ADCY8: variants seen among roughly 807,000 people sequenced by gnomAD.
ADCY8 encodes the protein adenylate cyclase type 8.
ADCY8 carries 51 observed loss-of-function variants against 119.7 expected under a neutral mutation model. That is an observed-to-expected ratio of 0.43 (90% CI 0.34 to 0.54). The LOEUF (loss-of-function observed/expected upper bound fraction) is 0.54, where lower values mean the gene tolerates loss of function less well. ADCY8 is among the 20% of genes least tolerant of loss of function. The pLI, the probability that ADCY8 is intolerant of heterozygous loss-of-function variation, is 0.03. For missense variants in ADCY8, 1,383 were observed against 1,598.8 expected, an observed-to-expected ratio of 0.87 and a Z score of 2.30; for synonymous variants, 665 against 651.0, an observed-to-expected ratio of 1.02 and a Z score of -0.33.
intron 1 of ADCY8, among the ~76,000 whole-genome samples, chr8:131,037,745 G>A (rs1401111416): frequency 2.0e-5 from 3 of 152,118 alleles, no homozygotes; most frequent in Admixed American, 1.3e-4. Context: ...AAGAGAATGA[G>A]AGAGCTTGGA....
At chr8:131,018,741 G>A (rs1341785667) in intron 1 of ADCY8, among the ~76,000 whole-genome samples, 1 of 152,214 alleles carries the variant, frequency 6.6e-6, no homozygotes, top group East Asian at 1.9e-4. Context: ...AGGTCATACA[G>A]CTAATGAGTG....
At chr8:130,843,059 C>T (rs770465213) in intron 11 of ADCY8, among the ~76,000 whole-genome samples, 1 of 151,932 alleles carries the variant, frequency 6.6e-6, no homozygotes, top group African/African-American at 2.4e-5. Context: ...TATTCCTATA[C>T]ATATTCTTGA....
chr8:130,793,267 T>C (rs1351184377), intron 15 of ADCY8, among the ~76,000 whole-genome samples: 1 of 152,136 alleles, frequency 6.6e-6, no homozygotes, highest in African/African-American at 2.4e-5. Flanking sequence ...GAACCCTCTC[T>C]GAAATTGCAC....
chr8:130,795,258 C>T (rs1030926279), intron 15 of ADCY8, among the ~76,000 whole-genome samples: 15 of 152,126 alleles, frequency 9.9e-5, no homozygotes, highest in African/African-American at 3.1e-4. Flanking sequence ...AGCCTCCATG[C>T]GGTAAAATAA....
At chr8:130,994,166 G>A (rs12680568) in intron 1 of ADCY8, among the ~76,000 whole-genome samples, 20,405 of 152,234 alleles carry the variant, frequency 0.13, 2,998 homozygotes, top group African/African-American at 0.37. Context: ...TGTTTCTGCC[G>A]TTAATAGTTG....
rs749902638 is a variant in ADCY8, at chr8:131,003,205, A to ATC, written c.961-12665_961-12664dup. Among the ~76,000 whole-genome samples the ATC allele has an allele frequency of 2.9e-3, 408 of 142,000 alleles. 2 individuals are homozygous for ATC. Among genetic ancestry groups the ATC allele is most frequent in the African/African-American group, 9.5e-3 (351 of 36,966 alleles). The allele number at this position is 142,000 out of a possible 152,430, so 93.2% of individuals were successfully genotyped here. On this transcript the variant is annotated intron_variant, in intron 1 of 17. Transcript: ENST00000286355. ...GCCTGGGCAACAAGAGTGAAACACCATCACACACACACACACACACACACA... is the reference window on the plus strand; with the variant it reads ...GCCTGGGCAACAAGAGTGAAACACCATCTCACACACACACACACACACACACA...
intron 5 of ADCY8, among the ~76,000 whole-genome samples, chr8:130,915,902 T>G (rs1241423892): frequency 1.3e-5 from 2 of 152,152 alleles, no homozygotes; most frequent in African/African-American, 2.4e-5. Context: ...TAGGCAGAAT[T>G]GATTGGGCCC....
At chr8:130,977,592 C>T (rs1202836988) in intron 2 of ADCY8, among the ~76,000 whole-genome samples, 1 of 152,168 alleles carries the variant, frequency 6.6e-6, no homozygotes, top group Admixed American at 6.5e-5. Context: ...TACACCACTG[C>T]CAGTGAGAGC....
intron 2 of ADCY8, among the ~76,000 whole-genome samples, chr8:130,979,438 G>A (rs1822172366): frequency 6.6e-6 from 1 of 152,194 alleles, no homozygotes; most frequent in Admixed American, 6.5e-5. Flanking sequence ...GTAACATGAG[G>A]CAATATGTTC....
intron 2 of ADCY8, among the ~76,000 whole-genome samples, chr8:130,963,869 G>A (rs995472443): frequency 6.6e-6 from 1 of 152,172 alleles, no homozygotes; most frequent in Non-Finnish European, 1.5e-5. Flanking sequence ...GAGACCAAGT[G>A]TCAGAAAGAT....
At chr8:130,928,839 A>G (rs943867517) in intron 5 of ADCY8, among the ~76,000 whole-genome samples, 4 of 152,076 alleles carry the variant, frequency 2.6e-5, no homozygotes, top group Admixed American at 2.6e-4. Context: ...TCCCTCTTCA[A>G]TTTTTTGGAA....
At chr8:130,911,500 C>T (rs1819978064) in intron 5 of ADCY8, among the ~76,000 whole-genome samples, 1 of 139,984 alleles carries the variant, frequency 7.1e-6, no homozygotes, top group Non-Finnish European at 1.6e-5. Flanking sequence ...TACTATATCA[C>T]AAACTATTAA....
intron 5 of ADCY8, among the ~76,000 whole-genome samples, chr8:130,919,179 G>A (rs559706679): frequency 2.0e-5 from 3 of 152,176 alleles, no homozygotes; most frequent in South Asian, 2.1e-4. Context: ...CATTTAACCC[G>A]AAACTTCATC....
chr8:130,891,524 T>A (rs1277166215), intron 7 of ADCY8, among the ~76,000 whole-genome samples: 1 of 152,224 alleles, frequency 6.6e-6, no homozygotes, highest in Admixed American at 6.5e-5. Context: ...ACCCATCATC[T>A]TAAATACTTA....
At chr8:130,836,145 C>T in intron 12 of ADCY8, 132 bp downstream of exon 12, 2 of 1,018,372 alleles carry the variant, frequency 2.0e-6, no homozygotes, top group Non-Finnish European at 1.4e-6. Context: ...CTACAGAATG[C>T]CTGATTTGAG....
rs192367857 is a variant in ADCY8, at chr8:130,858,498, G to A, written c.2211-8695C>T. 1.3e-3 allele frequency among the ~76,000 whole-genome samples: 202 copies of A among 152,152 alleles called. 1 individual carries two copies. Among genetic ancestry groups the A allele is most frequent in the African/African-American group, 4.6e-3 (192 of 41,534 alleles). On this transcript the variant is annotated intron_variant, in intron 9 of 17. Coordinates refer to ENST00000286355, the MANE Select transcript of ADCY8 (RefSeq NM_001115.3). ...GGGAGGAAGACCACAGAGGTTATAT[G>A]CCATACTTACTAGATCCCATTAACA...
chr8:130,835,622 C>T (rs758887951), intron 12 of ADCY8, among the ~76,000 whole-genome samples: 6 of 152,030 alleles, frequency 3.9e-5, no homozygotes, highest in Non-Finnish European at 8.8e-5. Flanking sequence ...AGCAGTAATA[C>T]GTTTGTCCCT....
intron 10 of ADCY8, 47 bp from the exon 11 acceptor site, chr8:130,847,560 G>C (rs371186522): frequency 6.7e-7 from 1 of 1,488,730 alleles, no homozygotes; most frequent in Non-Finnish European, 9.2e-7. Flanking sequence ...ACAAAAACAG[G>C]AACAACAAAG....
chr8:130,941,472 T>G (rs1820953866), intron 4 of ADCY8, among the ~76,000 whole-genome samples: 1 of 150,870 alleles, frequency 6.6e-6, no homozygotes, highest in African/African-American at 2.5e-5. Context: ...TTTGTTCATC[T>G]TGGCATCTTT....
Sources: gnomAD v4.1 joint callset for allele counts (sites outside exome capture counted in the v4.1 genomes callset) on GRCh38, gnomAD v4.1.1 for gene constraint, MANE v1.5 for transcripts, NCBI Gene and HGNC (gene_info 2026-07-23, HGNC 2026-07-21) for gene names.